Variants in P2RY14 observed in about 807,000 individuals in gnomAD.
The protein encoded by P2RY14 is P2Y purinoceptor 14.
Under a neutral mutation model 0.9 loss-of-function variants are expected in P2RY14, and 2 were observed. That is an observed-to-expected ratio of 2.16 (90% CI 0.88 to 6.79). The LOEUF is 6.79. Among genes scored for constraint, P2RY14 ranks in the 30% most tolerant of loss-of-function variants. P2RY14 has a pLI of 0.05. For synonymous variants in P2RY14, 158 were observed against 147.2 expected (o/e 1.07, Z -0.53); for missense variants, 378 against 400.1 (o/e 0.94, Z 0.47).
intron 1 of P2RY14, among the ~76,000 whole-genome samples, chr3:151,241,036 G>C (rs1438265393): frequency 6.6e-6 from 1 of 151,922 alleles, no homozygotes; most frequent in Non-Finnish European, 1.5e-5. Flanking sequence ...GAGAGTATCT[G>C]TGTAAAGGCT....
intron 1 of P2RY14, among the ~76,000 whole-genome samples, chr3:151,262,490 C>T (rs1199511551): frequency 6.6e-6 from 1 of 152,164 alleles, no homozygotes; most frequent in Non-Finnish European, 1.5e-5. Flanking sequence ...CTTGCTCAGC[C>T]ATAGACTTTA....
intron 1 of P2RY14, among the ~76,000 whole-genome samples, chr3:151,271,097 T>G (rs1740862176): frequency 6.6e-6 from 1 of 152,028 alleles, no homozygotes; most frequent in African/African-American, 2.4e-5. Flanking sequence ...AGCCATAGAT[T>G]GGGGAGTAAA....
rs777131350 is a variant in P2RY14 at position 151,213,954 on chromosome 3, A to G, written c.363T>C (p.Tyr121=). ...AAGTCCAAAGAGGCTTTACAATTTT[A>G]TAATATCTGTCAAAGCTGATGAGCC... ...FFGLISFDRY[Y]KIVKPLWTSF... The change falls in exon 3 of 3, where the codon TAT becomes TAC. Residue 121 remains tyrosine (Y), a synonymous_variant. Transcript: ENST00000309170. The G allele has an allele frequency of 6.2e-7, 1 of 1,614,142 alleles. No individual in the cohort carries two copies. Among genetic ancestry groups the G allele is most frequent in the Non-Finnish European group, 8.5e-7 (1 of 1,180,004 alleles).
intron 1 of P2RY14, among the ~76,000 whole-genome samples, chr3:151,229,975 T>C (rs1308900439): frequency 6.6e-6 from 1 of 152,056 alleles, no homozygotes; most frequent in African/African-American, 2.4e-5. Context: ...TTTTGTTTTT[T>C]GTTTTTGTTT....
intron 1 of P2RY14, among the ~76,000 whole-genome samples, chr3:151,254,911 C>T (rs947560919): frequency 3.3e-5 from 5 of 152,088 alleles, no homozygotes; most frequent in African/African-American, 1.2e-4. Context: ...TCATTCTTGT[C>T]GGAATAGTTG....
At chr3:151,215,547 C>A (rs1224915166) in intron 2 of P2RY14, among the ~76,000 whole-genome samples, 1 of 152,160 alleles carries the variant, frequency 6.6e-6, no homozygotes, top group Non-Finnish European at 1.5e-5. Context: ...TTGCACAGTG[C>A]TGTGCTAGGT....
intron 1 of P2RY14, among the ~76,000 whole-genome samples, chr3:151,250,295 AT>A (rs1346288626): frequency 6.6e-6 from 1 of 152,186 alleles, no homozygotes; most frequent in Non-Finnish European, 1.5e-5. Flanking sequence ...TACACATAAC[AT>A]TTGCCACCTT....
chr3:151,229,473 ATTTTTTTTTT>A (rs59434401), intron 1 of P2RY14, among the ~76,000 whole-genome samples: 1 of 90,124 alleles, frequency 1.1e-5, no homozygotes, highest in Non-Finnish European at 2.1e-5. Context: ...TGCCCGGCTA[ATTTTTTTTTT>A]TTTTTTTTTT....
chr3:151,245,200 A>G (rs1329413993), intron 1 of P2RY14, among the ~76,000 whole-genome samples: 2 of 152,184 alleles, frequency 1.3e-5, no homozygotes, highest in Non-Finnish European at 1.5e-5. Context: ...ATAAGGAGGA[A>G]CTGGTACCAT....
intron 1 of P2RY14, among the ~76,000 whole-genome samples, chr3:151,261,988 G>A (rs1882017): frequency 0.47 from 72,028 of 151,962 alleles, 17,195 homozygotes; most frequent in Middle Eastern, 0.65. Flanking sequence ...CGGCCTCCCA[G>A]TGTGCTAAGA....
intron 1 of P2RY14, among the ~76,000 whole-genome samples, chr3:151,276,405 C>G (rs570143722): frequency 1.2e-4 from 18 of 152,226 alleles, no homozygotes; most frequent in Non-Finnish European, 2.5e-4. Context: ...CCATCATCCT[C>G]CACTAGACAG....
intron 1 of P2RY14, among the ~76,000 whole-genome samples, chr3:151,275,701 TA>T (rs1400301283): frequency 6.6e-6 from 1 of 152,156 alleles, no homozygotes; most frequent in African/African-American, 2.4e-5. Flanking sequence ...AAATTCCCTG[TA>T]AAGAAGAACC....
At chr3:151,258,572 A>G in intron 1 of P2RY14, among the ~76,000 whole-genome samples, 1 of 152,112 alleles carries the variant, frequency 6.6e-6, no homozygotes, top group African/African-American at 2.4e-5. Context: ...ATCCTGAGGA[A>G]CTTGAGGATT....
chr3:151,258,760 G>A (rs1486561826), intron 1 of P2RY14, among the ~76,000 whole-genome samples: 1 of 151,636 alleles, frequency 6.6e-6, no homozygotes, highest in Non-Finnish European at 1.5e-5. Flanking sequence ...GCTGAGGCAG[G>A]AGAATCGCTT....
intron 1 of P2RY14, among the ~76,000 whole-genome samples, chr3:151,222,549 G>A (rs867400809): frequency 1.6e-4 from 24 of 152,154 alleles, no homozygotes; most frequent in African/African-American, 5.8e-4. Context: ...TTAAAAATGG[G>A]AGTTGCCCTG....
chr3:151,258,681 C>G (rs921331060), intron 1 of P2RY14, among the ~76,000 whole-genome samples: 3 of 152,002 alleles, frequency 2.0e-5, no homozygotes, highest in South Asian at 4.1e-4. Flanking sequence ...GAAACCCCGT[C>G]TCTACTAAAA....
intron 1 of P2RY14, among the ~76,000 whole-genome samples, chr3:151,242,261 C>T (rs189542312): frequency 0.01 from 1,543 of 152,334 alleles, 33 homozygotes; most frequent in Admixed American, 0.057. Context: ...TCAAACTGGG[C>T]GGAGCCCACC....
At chr3:151,246,538 T>C (rs1441332239) in intron 1 of P2RY14, among the ~76,000 whole-genome samples, 1 of 152,162 alleles carries the variant, frequency 6.6e-6, no homozygotes, top group Non-Finnish European at 1.5e-5. Context: ...CCCTATTTAA[T>C]AAATGGTGCT....
chr3:151,229,949 A>G (rs534649874), intron 1 of P2RY14, among the ~76,000 whole-genome samples: 91 of 152,054 alleles, frequency 6.0e-4, no homozygotes, highest in African/African-American at 2.1e-3. Flanking sequence ...CTAGGCTCAC[A>G]TGTTGGGATC....
Sources: gnomAD v4.1 joint callset for allele counts (sites outside exome capture counted in the v4.1 genomes callset) on GRCh38, gnomAD v4.1.1 for gene constraint, MANE v1.5 for transcripts, NCBI Gene and HGNC (gene_info 2026-07-23, HGNC 2026-07-21) for gene names.